The following PIK3AP1 variants were observed in gnomAD, a reference collection of about 807,000 sequenced individuals.
PIK3AP1 encodes the protein phosphoinositide 3-kinase adapter protein 1.
Under a neutral mutation model 88.1 loss-of-function variants are expected in PIK3AP1, and 21 were observed. The observed-to-expected ratio is 0.24, with a 90% CI of 0.17 to 0.34. The LOEUF (loss-of-function observed/expected upper bound fraction) is 0.34, where lower values mean the gene tolerates loss of function less well. Ranked by LOEUF, PIK3AP1 falls within the 10% of genes least tolerant of loss-of-function variation. PIK3AP1 has a pLI of 1.00. For synonymous variants in PIK3AP1, 398 were observed against 400.0 expected, an observed-to-expected ratio of 1.00 and a Z score of 0.06; for missense variants, 828 against 1,035.7, an observed-to-expected ratio of 0.80 and a Z score of 2.75.
chr10:96,704,981 G>A (rs1223509346), intron 2 of PIK3AP1, among the ~76,000 whole-genome samples: 1 of 152,002 alleles, frequency 6.6e-6, no homozygotes, highest in Non-Finnish European at 1.5e-5. Context: ...AACTTTACAT[G>A]GTCTAAAATT....
intron 1 of PIK3AP1, among the ~76,000 whole-genome samples, chr10:96,716,544 G>T (rs1844504762): frequency 6.6e-6 from 1 of 152,172 alleles, no homozygotes; most frequent in Admixed American, 6.5e-5. Flanking sequence ...GAAACTGAAA[G>T]AAGGGGAAGT....
At chr10:96,622,942 A>G (rs75859458) in intron 11 of PIK3AP1, among the ~76,000 whole-genome samples, 6,401 of 152,334 alleles carry the variant, frequency 0.042, 447 homozygotes, top group African/African-American at 0.14. Flanking sequence ...AGGTAAGTAA[A>G]TAGCCCAGAA....
chr10:96,643,076 C>G (rs940230512), intron 8 of PIK3AP1, among the ~76,000 whole-genome samples: 1 of 152,150 alleles, frequency 6.6e-6, no homozygotes, highest in African/African-American at 2.4e-5. Context: ...CTCCAACACC[C>G]AGAAGACATC....
chr10:96,682,536 C>T (rs1214175081), intron 2 of PIK3AP1, among the ~76,000 whole-genome samples: 1 of 152,172 alleles, frequency 6.6e-6, no homozygotes, highest in Non-Finnish European at 1.5e-5. Flanking sequence ...AGGGAAGCAC[C>T]TTTCTTCCTT....
intron 1 of PIK3AP1, among the ~76,000 whole-genome samples, chr10:96,716,354 TC>T (rs1316312178): frequency 1.2e-4 from 19 of 152,320 alleles, no homozygotes; most frequent in African/African-American, 4.6e-4. Context: ...TAAATTCAAT[TC>T]CCTTTGAGTG....
At chr10:96,671,750 T>C (rs1314299804) in intron 2 of PIK3AP1, among the ~76,000 whole-genome samples, 1 of 152,078 alleles carries the variant, frequency 6.6e-6, no homozygotes, top group Admixed American at 6.5e-5. Context: ...AGACTTTAAA[T>C]ACAGTCATGG....
intron 2 of PIK3AP1, among the ~76,000 whole-genome samples, chr10:96,689,355 G>A (rs1242310466): frequency 6.6e-6 from 1 of 151,404 alleles, no homozygotes; most frequent in Middle Eastern, 3.4e-3. Context: ...ATGAGGCCAG[G>A]AGATCAAGAC....
chr10:96,688,159 A>G (rs1844099609), intron 2 of PIK3AP1, among the ~76,000 whole-genome samples: 2 of 152,098 alleles, frequency 1.3e-5, no homozygotes, highest in Admixed American at 1.3e-4. Context: ...TGGCATTTTC[A>G]CTGTTGATTC....
At chr10:96,717,379 C>T (rs73316704) in intron 1 of PIK3AP1, among the ~76,000 whole-genome samples, 3,057 of 152,150 alleles carry the variant, frequency 0.02, 107 homozygotes, top group African/African-American at 0.069. Flanking sequence ...CCCCATTCAT[C>T]CATCCTGGAG....
intron 8 of PIK3AP1, among the ~76,000 whole-genome samples, chr10:96,642,509 G>T (rs1843406073): frequency 6.6e-6 from 1 of 151,254 alleles, no homozygotes; most frequent in African/African-American, 2.4e-5. Context: ...AGAAAAAAAG[G>T]AAGGAAAAGA....
chr10:96,669,784 A>G (rs1026197924), intron 2 of PIK3AP1, among the ~76,000 whole-genome samples: 1 of 139,158 alleles, frequency 7.2e-6, no homozygotes, highest in South Asian at 2.1e-4. Context: ...AACAAACAAA[A>G]AAAAAACCAG....
chr10:96,696,701 C>T (rs768983729), intron 2 of PIK3AP1, among the ~76,000 whole-genome samples: 5 of 152,176 alleles, frequency 3.3e-5, no homozygotes, highest in Non-Finnish European at 5.9e-5. Context: ...ATGTTAAATA[C>T]ATACATTCCT....
At chr10:96,683,113 C>T (rs1316836451) in intron 2 of PIK3AP1, among the ~76,000 whole-genome samples, 1 of 152,176 alleles carries the variant, frequency 6.6e-6, no homozygotes, top group African/African-American at 2.4e-5. Context: ...ATAACAACTG[C>T]AAGCCAGGGC....
chr10:96,618,396 C>T (rs934634920), intron 12 of PIK3AP1, among the ~76,000 whole-genome samples: 20 of 152,152 alleles, frequency 1.3e-4, no homozygotes, highest in Admixed American at 1.2e-3. Flanking sequence ...TGATAAGACA[C>T]GTAAATTATG....
chr10:96,629,644 A>G (rs10882831), intron 8 of PIK3AP1, among the ~76,000 whole-genome samples: 127,060 of 144,886 alleles, frequency 0.88, 56,377 homozygotes, highest in East Asian at 0.95. Context: ...TTGGGAGGCC[A>G]AGGCAGAAGG....
intron 16 of PIK3AP1, 142 bp downstream of exon 16, chr10:96,602,138 C>T: frequency 1.5e-6 from 1 of 647,800 alleles, no homozygotes; most frequent in Non-Finnish European, 2.6e-6. Context: ...CCGCCTTGGC[C>T]TCCCAAAGTG....
chr10:96,638,482 A>ACACT (rs1843343507), intron 8 of PIK3AP1, among the ~76,000 whole-genome samples: 1 of 150,570 alleles, frequency 6.6e-6, no homozygotes, highest in South Asian at 2.1e-4. Context: ...ACACACACAC[A>ACACT]CACACACACA....
chr10:96,700,755 C>T (rs1844286405), intron 2 of PIK3AP1: 1 of 935,786 alleles, frequency 1.1e-6, no homozygotes, highest in Non-Finnish European at 1.3e-6. Context: ...ATTTTCCCCT[C>T]AGTCCTGCAA....
chr10:96,662,708 G>A (rs897834824), intron 2 of PIK3AP1, among the ~76,000 whole-genome samples: 2 of 147,086 alleles, frequency 1.4e-5, no homozygotes, highest in South Asian at 4.3e-4. Flanking sequence ...GTGAAACCCC[G>A]TCTCTACTAA....
Sources: allele counts gnomAD v4.1 joint callset (sites outside exome capture counted in the v4.1 genomes callset), GRCh38; gene constraint gnomAD v4.1.1; transcripts MANE v1.5; gene names NCBI Gene and HGNC (gene_info 2026-07-23, HGNC 2026-07-21).